The following GFI1B variants were observed in gnomAD, a reference collection of about 807,000 sequenced individuals.
GFI1B encodes the protein growth factor independent 1B transcriptional repressor, also known as zinc finger protein Gfi-1b.
Under a neutral mutation model 35.3 loss-of-function variants are expected in GFI1B, and 20 were observed. The ratio of observed to expected loss-of-function variants is 0.57; its 90% CI spans 0.40 to 0.82. GFI1B has a LOEUF of 0.82. GFI1B is among the 40% of genes least tolerant of loss of function. The probability of loss-of-function intolerance (pLI) is 0.00; values close to 1 mark genes in which losing one functional copy is unlikely to be tolerated. For synonymous variants in GFI1B, 178 were observed against 177.6 expected, an observed-to-expected ratio of 1.00 and a Z score of -0.02; for missense variants, 430 against 446.3, an observed-to-expected ratio of 0.96 and a Z score of 0.33.
intron 1 of GFI1B, chr9:132,945,704 T>C (rs917488050): frequency 6.5e-6 from 1 of 154,108 alleles, no homozygotes; most frequent in African/African-American, 2.4e-5. Flanking sequence ...TTTTGTGAAA[T>C]ACTAGGTCGG....
intron 1 of GFI1B, among the ~76,000 whole-genome samples, chr9:132,956,863 C>T (rs1243229849): frequency 6.6e-6 from 1 of 152,160 alleles, no homozygotes; most frequent in Non-Finnish European, 1.5e-5. Flanking sequence ...ACAGTCATCC[C>T]AAGGCTTGAC....
In GFI1B at chr9:132,989,713, AC is replaced by A. The variant is rs748020878; in HGVS notation, c.649-23del. The stretch of plus-strand genomic sequence containing the variant: ...GGGTCCAGTCCTGAGCCTGCACCTG[AC>A]CCCCCGGGGCCTCATTTCCTCCGGC... On this transcript the variant is annotated intron_variant, in intron 5 of 6. Coordinates refer to ENST00000372122, the MANE Select transcript of GFI1B (RefSeq NM_001377304.1). The surrounding 1 kb of genome is among the most constrained non-coding windows in gnomAD (Gnocchi z 6.2). 3.7e-6 allele frequency: 6 copies of A among 1,604,692 alleles called. No homozygotes were observed. Among genetic ancestry groups the A allele is most frequent in the South Asian group, 1.1e-5 (1 of 90,738 alleles).
chr9:132,977,036 C>A (rs1023170751), upstream of GFI1B, among the ~76,000 whole-genome samples: 1 of 152,230 alleles, frequency 6.6e-6, no homozygotes, highest in Non-Finnish European at 1.5e-5. Flanking sequence ...GGACTCACCG[C>A]AACCTCTGCC....
At chr9:132,969,555 C>A (rs1379238971) in intron 1 of GFI1B, among the ~76,000 whole-genome samples, 2 of 152,188 alleles carry the variant, frequency 1.3e-5, no homozygotes, top group Non-Finnish European at 2.9e-5. Context: ...CTTGGGTTGC[C>A]TCTACCTTTT....
At chr9:132,952,400 C>T (rs538362109) in intron 1 of GFI1B, 21 of 152,202 alleles carry the variant, frequency 1.4e-4, no homozygotes, top group African/African-American at 4.8e-4. Flanking sequence ...ACTGCAGTCT[C>T]GAATTCCCAG....
chr9:132,951,117 C>T (rs1242883888), intron 1 of GFI1B: 1 of 152,218 alleles, frequency 6.6e-6, no homozygotes, highest in Non-Finnish European at 1.5e-5. Context: ...GCTGGGGTTA[C>T]AGGTGTGAGC....
At chr9:132,948,225 TTTGGGGTCACTAAACTGCG>T (rs1278021580) in intron 1 of GFI1B, among the ~76,000 whole-genome samples, 1 of 152,028 alleles carries the variant, frequency 6.6e-6, no homozygotes, top group Admixed American at 6.5e-5. Context: ...TTCTCTTTCC[TTTGGGGTCACTAAACTGCG>T]ATGAGGAAGC....
rs544416198 is a variant in GFI1B, at chr9:132,991,089, C to T, written c.*39C>T. 36 of 1,586,650 alleles carry T rather than the reference C, an allele frequency of 2.3e-5. No individual in the cohort carries two copies. The highest frequency in any genetic ancestry group is 1.6e-4 in the East Asian group (7 of 44,696). On this transcript the variant is annotated 3_prime_UTR_variant, in exon 7 of 7. Transcript: ENST00000372122. ...CCCAGCTCCTGGCCAGCCTGCCCTG[C>T]GGTCCTGTCACCTGGAGGCCAGCCT... is the stretch of plus-strand genomic sequence containing the variant.
chr9:132,946,421 T>C (rs1462082187), intron 1 of GFI1B, among the ~76,000 whole-genome samples: 1 of 152,172 alleles, frequency 6.6e-6, no homozygotes. Flanking sequence ...TTTTGATAAC[T>C]GTTAAGTGCC....
At chr9:132,967,984 G>A (rs1427067967) in intron 1 of GFI1B, among the ~76,000 whole-genome samples, 6 of 152,122 alleles carry the variant, frequency 3.9e-5, no homozygotes, top group Non-Finnish European at 2.9e-5. Context: ...GTTTCACCAT[G>A]TTGGCCAGGT....
At chr9:132,984,494 G>A (rs925006601) in intron 1 of GFI1B, among the ~76,000 whole-genome samples, 9 of 152,174 alleles carry the variant, frequency 5.9e-5, no homozygotes, top group Non-Finnish European at 1.3e-4. Context: ...AGCTCAGAGA[G>A]TACAGGGCCT....
chr9:132,977,943 C>T (rs990310238), upstream of GFI1B, among the ~76,000 whole-genome samples: 2 of 152,180 alleles, frequency 1.3e-5, no homozygotes, highest in South Asian at 2.1e-4. Context: ...TGCCTCTACC[C>T]GCTCAAAGGT....
chr9:132,947,684 C>T (rs11243948), intron 1 of GFI1B, among the ~76,000 whole-genome samples: 32,652 of 151,562 alleles, frequency 0.22, 3,615 homozygotes, highest in African/African-American at 0.23. Flanking sequence ...TGGCGGGTAC[C>T]TATAATCCAA....
At position 132,989,327 on chromosome 9, in the gene GFI1B, AG is replaced by A; in HGVS notation, c.648+130del. The A allele has an allele frequency of 2.3e-6, 2 of 861,942 alleles. No homozygotes were observed. Among genetic ancestry groups the A allele is most frequent in the South Asian group, 1.4e-5 (1 of 71,418 alleles). 53.4% of individuals were successfully genotyped at this position (861,942 alleles called of 1,614,324 possible). On this transcript the variant is annotated intron_variant, in intron 5 of 6. Coordinates refer to ENST00000372122, the MANE Select transcript of GFI1B (RefSeq NM_001377304.1). The surrounding 1 kb of genome is among the most constrained non-coding windows in gnomAD (Gnocchi z 6.2). Reference sequence around the variant, plus strand: ...TGACACAGATTGGGAGGGGTCCCCTAGTACCCACCTCCCTGGGTCTGGGTCT... The same window carrying A: ...TGACACAGATTGGGAGGGGTCCCCTATACCCACCTCCCTGGGTCTGGGTCT...
intron 1 of GFI1B, among the ~76,000 whole-genome samples, chr9:132,960,598 G>C (rs934710043): frequency 6.6e-6 from 1 of 151,990 alleles, no homozygotes; most frequent in African/African-American, 2.4e-5. Flanking sequence ...CTGGGCTCAA[G>C]TGGTCCTCCC....
Position 132,948,795 on chromosome 9 carries a change from C to A in GFI1B, c.-701+3126C>A, listed in dbSNP as rs75343589. ...CACACCGCCCTACCTTGGCTTAGGC[C>A]GTCTCCTCTCCCTCCGCACCAGATG... is the stretch of plus-strand genomic sequence containing the variant. On this transcript the variant is annotated intron_variant, in intron 1 of 10. Transcript: ENST00000339463. Among the ~76,000 whole-genome samples the A allele has an allele frequency of 5.5e-4, 84 of 152,316 alleles. 1 individual carries two copies. The East Asian group carries it at 0.013, about 24-fold the overall frequency.
intron 1 of GFI1B, among the ~76,000 whole-genome samples, chr9:132,979,428 C>T (rs1376529055): frequency 2.6e-5 from 4 of 151,832 alleles, no homozygotes; most frequent in East Asian, 1.9e-4. Context: ...TTAGTAGAGA[C>T]GGGTTTCACC....
In GFI1B at chr9:132,989,875, C is replaced by A; in HGVS notation, c.782C>A (p.Ser261Tyr). 6.2e-7 allele frequency: 1 copy of A among 1,614,172 alleles called. No homozygotes were observed. Among genetic ancestry groups the A allele is most frequent in the Non-Finnish European group, 8.5e-7 (1 of 1,180,018 alleles). ...TGCGGCAAGCGTTTCCACCAGAAGT[C>A]CGACATGAAGAAGCACACCTACATC... The part of the protein sequence containing the change: ...QFCGKRFHQK[S>Y]DMKKHTYIHT... The change falls in exon 6 of 7, where the codon TCC (serine) becomes TAC (tyrosine). Residue 261 changes from serine (S) to tyrosine (Y), a missense_variant. Transcript: ENST00000372122. This position sits in a 1 kb window ranked among gnomAD's most constrained non-coding sequence, Gnocchi z 6.2.
In GFI1B at chr9:132,990,986, C is replaced by G. The variant is rs769236543; in HGVS notation, c.929C>G (p.Thr310Ser). 4.3e-6 allele frequency: 7 copies of G among 1,614,190 alleles called. No homozygotes were observed. The Admixed American group carries it at 8.3e-5, about 19-fold the overall frequency. The change falls in exon 7 of 7, where the codon ACC becomes AGC. Residue 310 changes from threonine (T) to serine (S), a missense_variant. Coordinates refer to ENST00000372122, the MANE Select transcript of GFI1B (RefSeq NM_001377304.1). ...AAGCCCTTCAGCTGTGAGCTGTGCA[C>G]CAAAGGCTTCCAGCGCAAGGTGGAC... ...GFKPFSCELC[T>S]KGFQRKVDLR... is the part of the protein sequence containing the mutation.
Sources: gnomAD v4.1 joint callset for allele counts (sites outside exome capture counted in the v4.1 genomes callset) on GRCh38, gnomAD v4.1.1 for gene constraint, Gnocchi (gnomAD v3.1) non-coding constraint, MANE v1.5 for transcripts, NCBI Gene and HGNC (gene_info 2026-07-23, HGNC 2026-07-21) for gene names.